The following CNTNAP5 variants were observed in gnomAD, a reference collection of about 807,000 sequenced individuals.
CNTNAP5 encodes contactin associated protein family member 5.
A neutral mutation model predicts 150.2 loss-of-function variants in CNTNAP5; 72 were observed. The observed-to-expected ratio is 0.48, with a 90% CI of 0.40 to 0.58. The LOEUF (loss-of-function observed/expected upper bound fraction) is 0.58. Ranked by LOEUF, CNTNAP5 falls within the 20% of genes least tolerant of loss-of-function variation. The pLI is 0.00. For missense variants in CNTNAP5, 1,636 were observed against 1,626.2 expected (o/e 1.01, Z -0.10); for synonymous variants, 672 against 619.8 (o/e 1.08, Z -1.25).
intron 3 of CNTNAP5, among the ~76,000 whole-genome samples, chr2:124,340,431 G>A (rs2104691003): frequency 6.6e-6 from 1 of 152,154 alleles, no homozygotes; most frequent in East Asian, 1.9e-4. Flanking sequence ...GGGATATGTA[G>A]GCAGTTTTGA....
In CNTNAP5 at chr2:124,120,851, A is replaced by G. The variant is rs1484378980; in HGVS notation, c.82+95119A>G. Among the ~76,000 whole-genome samples, 3 of 152,294 alleles carry G rather than the reference A, an allele frequency of 2.0e-5. No homozygotes were observed. In the East Asian group the frequency reaches 5.8e-4, roughly 29 times the overall value. ...TATGACCTCAATGAAGTGCCTGGGT[A>G]TGCAATCACCCATACCTGAGTCTTG... On this transcript the variant is annotated intron_variant, in intron 1 of 23. Transcript: ENST00000682447.
chr2:124,472,432 A>G (rs1693539287), intron 6 of CNTNAP5, among the ~76,000 whole-genome samples: 1 of 151,878 alleles, frequency 6.6e-6, no homozygotes. Context: ...AAGTTTGTAT[A>G]CCATTATTAT....
intron 1 of CNTNAP5, among the ~76,000 whole-genome samples, chr2:124,161,737 T>C (rs1314194412): frequency 6.6e-6 from 1 of 152,128 alleles, no homozygotes; most frequent in Non-Finnish European, 1.5e-5. Context: ...AAACAAATGA[T>C]CTCTGCCCTA....
chr2:124,626,529 A>G (rs1231061462), intron 12 of CNTNAP5, among the ~76,000 whole-genome samples: 2 of 152,124 alleles, frequency 1.3e-5, no homozygotes, highest in Non-Finnish European at 2.9e-5. Flanking sequence ...CTACCTGCCA[A>G]GGGTACTATG....
chr2:124,801,989 C>A (rs547962207), intron 19 of CNTNAP5, among the ~76,000 whole-genome samples: 1 of 152,218 alleles, frequency 6.6e-6, no homozygotes, highest in Non-Finnish European at 1.5e-5. Flanking sequence ...AACTGAGAGT[C>A]TTCTGTTAGT....
At chr2:124,151,836 C>T (rs541714193) in intron 1 of CNTNAP5, among the ~76,000 whole-genome samples, 36 of 152,322 alleles carry the variant, frequency 2.4e-4, no homozygotes, top group African/African-American at 8.4e-4. Flanking sequence ...CCCGGACATA[C>T]ACTGCATGTG....
At chr2:124,417,977 G>T (rs1260332980) in intron 4 of CNTNAP5, among the ~76,000 whole-genome samples, 1 of 152,172 alleles carries the variant, frequency 6.6e-6, no homozygotes, top group Non-Finnish European at 1.5e-5. Context: ...TTCTTGACTT[G>T]TTCTAGAAGA....
intron 10 of CNTNAP5, among the ~76,000 whole-genome samples, chr2:124,529,604 C>A (rs1367674705): frequency 1.3e-5 from 2 of 152,082 alleles, no homozygotes; most frequent in East Asian, 3.9e-4. Context: ...GTTAGAAGGG[C>A]AGGTGTTTTC....
chr2:124,873,080 A>G (rs1677785867), intron 21 of CNTNAP5, among the ~76,000 whole-genome samples: 1 of 152,122 alleles, frequency 6.6e-6, no homozygotes, highest in East Asian at 1.9e-4. Context: ...TTATGGTTCT[A>G]CAAGCTGTAT....
chr2:124,718,430 A>C (rs967466230), intron 13 of CNTNAP5, among the ~76,000 whole-genome samples: 2 of 151,892 alleles, frequency 1.3e-5, no homozygotes, highest in African/African-American at 4.8e-5. Flanking sequence ...TATTTTTCCT[A>C]TTTCTCTTCT....
intron 13 of CNTNAP5, among the ~76,000 whole-genome samples, chr2:124,716,948 A>G (rs1679957498): frequency 6.6e-6 from 1 of 152,066 alleles, no homozygotes; most frequent in Non-Finnish European, 1.5e-5. Flanking sequence ...TCTTTGCCTA[A>G]TTTCTTCCCA....
rs1558803803 is a variant in CNTNAP5 at position 124,860,449 on chromosome 2, TTCTTTCC to T, written c.3218-4855_3218-4849del. Among the ~76,000 whole-genome samples the T allele has an allele frequency of 7.6e-4, 83 of 109,758 alleles. 2 individuals carry two copies. The East Asian group carries it at 9.9e-3, about 13-fold the overall frequency. The allele number at this position is 109,758 out of a possible 152,430, so 72.0% of individuals were successfully genotyped here. On this transcript the variant is annotated intron_variant, in intron 19 of 23. Transcript: ENST00000682447. ...CTTCCTTCCTTCCTTCCTTCCTTCC[TTCTTTCC>T]TTCCTTCCTTCCTTCCTTCCTTCCT...
intron 12 of CNTNAP5, among the ~76,000 whole-genome samples, chr2:124,627,985 G>T (rs1677766333): frequency 1.3e-5 from 2 of 152,092 alleles, no homozygotes; most frequent in African/African-American, 2.4e-5. Context: ...GGACTATCTT[G>T]CTAAAATAAG....
chr2:124,844,829 T>C (rs1255684549), intron 19 of CNTNAP5, among the ~76,000 whole-genome samples: 1 of 152,156 alleles, frequency 6.6e-6, no homozygotes, highest in African/African-American at 2.4e-5. Flanking sequence ...TTTTGTATCC[T>C]GAAACTTTGC....
intron 3 of CNTNAP5, among the ~76,000 whole-genome samples, chr2:124,343,724 C>T (rs1455571859): frequency 6.6e-6 from 1 of 152,144 alleles, no homozygotes; most frequent in Non-Finnish European, 1.5e-5. Context: ...TTCTCTCTCT[C>T]CTCTCTCTTT....
rs540512088 is a variant in CNTNAP5 at position 124,430,674 on chromosome 2, T to TC, written c.530-3809dup. Among the ~76,000 whole-genome samples the TC allele has an allele frequency of 6.6e-5, 10 of 152,258 alleles. No individual in the cohort carries two copies. The South Asian group carries it at 2.1e-3, about 32-fold the overall frequency. On this transcript the variant is annotated intron_variant, in intron 4 of 23. Coordinates refer to ENST00000682447, the MANE Select transcript of CNTNAP5 (RefSeq NM_001367498.1). ...ATGCTTTTTAACGTTAAAAACTGTG[T>TC]CAGGTGAAGGTGGCAAAAGTGAAAT...
At chr2:124,643,140 G>A (rs188956038) in intron 12 of CNTNAP5, among the ~76,000 whole-genome samples, 2 of 152,176 alleles carry the variant, frequency 1.3e-5, no homozygotes, top group African/African-American at 4.8e-5. Flanking sequence ...TTAGTGAAGT[G>A]GCCCTATTTC....
At chr2:124,224,432 T>C (rs1573849107) in intron 2 of CNTNAP5, among the ~76,000 whole-genome samples, 1 of 152,028 alleles carries the variant, frequency 6.6e-6, no homozygotes, top group Admixed American at 6.6e-5. Flanking sequence ...TTTTGTTAAG[T>C]ATGTCCAGAT....
intron 3 of CNTNAP5, among the ~76,000 whole-genome samples, chr2:124,346,916 C>CAAAAAAAAAAAAAAAAAAAAAAAA: frequency 9.2e-6 from 1 of 109,062 alleles, no homozygotes; most frequent in Non-Finnish European, 1.8e-5. Flanking sequence ...ATTAAAAATA[C>CAAAAAAAAAAAAAAAAAAAAAAAA]AAAAAAAAAA....
Sources: gnomAD v4.1 joint callset for allele counts (sites outside exome capture counted in the v4.1 genomes callset) on GRCh38, gnomAD v4.1.1 for gene constraint, MANE v1.5 for transcripts, NCBI Gene and HGNC (gene_info 2026-07-23, HGNC 2026-07-21) for gene names.